JAM2: variants seen among roughly 807,000 people sequenced by gnomAD.
JAM2 encodes junctional adhesion molecule B.
In JAM2, 17 loss-of-function variants were observed where a neutral mutation model predicts 42.0. The observed-to-expected ratio is 0.40, with a 90% CI of 0.28 to 0.61. JAM2 has a LOEUF of 0.61. Ranked by LOEUF, JAM2 falls within the 20% of genes least tolerant of loss-of-function variation. The probability of loss-of-function intolerance (pLI) is 0.37; values close to 1 mark genes in which losing one functional copy is unlikely to be tolerated. For synonymous variants in JAM2, 118 were observed against 128.6 expected (o/e 0.92, Z 0.56); for missense variants, 319 against 358.3 (o/e 0.89, Z 0.89).
intron 1 of JAM2, among the ~76,000 whole-genome samples, chr21:25,650,628 A>T (rs2032747946): frequency 1.3e-5 from 2 of 152,238 alleles, no homozygotes; most frequent in Non-Finnish European, 2.9e-5. Context: ...GTATTTCTGT[A>T]TCAACATATT....
chr21:25,657,224 G>T (rs1352427358), intron 1 of JAM2, among the ~76,000 whole-genome samples: 1 of 152,038 alleles, frequency 6.6e-6, no homozygotes, highest in Non-Finnish European at 1.5e-5. Flanking sequence ...ATGTTGTCCA[G>T]GTTGGTCTTG....
At chr21:25,641,813 C>G (rs1273128207) in intron 1 of JAM2, among the ~76,000 whole-genome samples, 1 of 152,122 alleles carries the variant, frequency 6.6e-6, no homozygotes, top group Non-Finnish European at 1.5e-5. Flanking sequence ...ATTTAGTTGT[C>G]CTGATTCCTT....
At position 25,639,391 on chromosome 21, in the gene JAM2, C is replaced by G. The variant is rs1568881568; in HGVS notation, c.-431C>G. 1 of 161,870 alleles carries G rather than the reference C, an allele frequency of 6.2e-6. No homozygotes were observed. Among genetic ancestry groups the G allele is most frequent in the Admixed American group, 6.4e-5 (1 of 15,542 alleles). 10.0% of individuals were successfully genotyped at this position (161,870 alleles called of 1,614,324 possible). A position where few individuals can be genotyped will look rare whatever the true frequency, so the allele number is the denominator to read the frequency against. On this transcript the variant is annotated 5_prime_UTR_variant, in exon 1 of 10. Coordinates refer to ENST00000480456, the MANE Select transcript of JAM2 (RefSeq NM_021219.4). ...CCAGCCTGCCCGCGCCTCCCGCCCC[C>G]AGCTCCTCGCCCTGGGGACAGCTGG...
intron 1 of JAM2, among the ~76,000 whole-genome samples, chr21:25,659,545 G>A (rs2033025276): frequency 6.6e-6 from 1 of 151,976 alleles, no homozygotes; most frequent in Non-Finnish European, 1.5e-5. Flanking sequence ...AAAGCATTTG[G>A]GATTCTTTCA....
chr21:25,681,120 G>A (rs1421731577), intron 1 of JAM2, among the ~76,000 whole-genome samples: 4 of 152,148 alleles, frequency 2.6e-5, no homozygotes, highest in Non-Finnish European at 4.4e-5. Flanking sequence ...ATATATAGTC[G>A]AGAAATAACC....
At chr21:25,708,390 G>A (rs1288042700) in intron 7 of JAM2, among the ~76,000 whole-genome samples, 1 of 152,046 alleles carries the variant, frequency 6.6e-6, no homozygotes, top group Non-Finnish European at 1.5e-5. Context: ...GAAACATAGG[G>A]AGACCCTTTC....
At chr21:25,657,068 T>G (rs151282782) in intron 1 of JAM2, among the ~76,000 whole-genome samples, 240 of 152,338 alleles carry the variant, frequency 1.6e-3, no homozygotes, top group African/African-American at 5.7e-3. Flanking sequence ...AATACAAATG[T>G]TTCTTTTCAG....
chr21:25,681,440 G>A (rs1343527286), intron 1 of JAM2, among the ~76,000 whole-genome samples: 1 of 152,116 alleles, frequency 6.6e-6, no homozygotes, highest in African/African-American at 2.4e-5. Context: ...TGAAGGTGGG[G>A]AAAAGCCCCT....
chr21:25,694,681 A>C (rs911216804), intron 4 of JAM2, among the ~76,000 whole-genome samples: 3 of 152,056 alleles, frequency 2.0e-5, no homozygotes, highest in African/African-American at 7.3e-5. Flanking sequence ...CTCTAAAAAA[A>C]AATAAATAAA....
At chr21:25,650,055 C>G (rs959818711) in intron 1 of JAM2, among the ~76,000 whole-genome samples, 6 of 152,160 alleles carry the variant, frequency 3.9e-5, no homozygotes, top group African/African-American at 1.4e-4. Flanking sequence ...AGAATTAACC[C>G]AGTCCTATGA....
intron 2 of JAM2, among the ~76,000 whole-genome samples, chr21:25,688,399 A>C (rs1322634305): frequency 1.3e-5 from 2 of 152,222 alleles, no homozygotes; most frequent in East Asian, 3.8e-4. Flanking sequence ...GCTAAAAATG[A>C]GTGTGGGTGT....
intron 1 of JAM2, among the ~76,000 whole-genome samples, chr21:25,681,733 A>G (rs2033636020): frequency 1.3e-5 from 2 of 152,196 alleles, no homozygotes; most frequent in Admixed American, 1.3e-4. Context: ...CTGTAATCCC[A>G]GCACTTTGGG....
At chr21:25,690,703 G>T (rs929465920) in intron 3 of JAM2, among the ~76,000 whole-genome samples, 2 of 151,966 alleles carry the variant, frequency 1.3e-5, no homozygotes, top group South Asian at 2.1e-4. Context: ...GAAATGGAAG[G>T]TTGCTTCTCA....
intron 1 of JAM2, chr21:25,643,797 C>G (rs193142808): frequency 6.6e-6 from 1 of 152,284 alleles, no homozygotes; most frequent in Admixed American, 6.5e-5. Context: ...ACTGAAAACA[C>G]TCATTTATCC....
Position 25,683,863 on chromosome 21 carries a change from T to C in JAM2, c.68-20T>C, listed in dbSNP as rs541214692. On this transcript the variant is annotated intron_variant, in intron 1 of 9. Coordinates refer to ENST00000480456, the MANE Select transcript of JAM2 (RefSeq NM_021219.4). ...AACTTTTGTATAATTTTAATTATCCTATCTGTTTTAATCTTTCAGATCATA... is the reference window on the plus strand; with the variant it reads ...AACTTTTGTATAATTTTAATTATCCCATCTGTTTTAATCTTTCAGATCATA... 7 of 1,542,252 alleles carry C rather than the reference T, an allele frequency of 4.5e-6. No homozygotes were observed. In the East Asian group the frequency reaches 1.4e-4, roughly 30 times the overall value.
In JAM2 at chr21:25,715,405, C is replaced by T. The variant is rs2034459525; in HGVS notation, c.*733C>T. 2 of 152,230 alleles carry T rather than the reference C, an allele frequency of 1.3e-5. No individual in the cohort carries two copies. The highest frequency in any genetic ancestry group is 4.8e-5 in the African/African-American group (2 of 41,452). The allele number at this position is 152,230 out of a possible 1,614,324, so 9.4% of individuals were successfully genotyped here. On this transcript the variant is annotated 3_prime_UTR_variant, in exon 10 of 10. Transcript: ENST00000480456. ...TCACCCCTACTGCTGCTTGCCACTG[C>T]TTCCTTCTTGTAAGATTTCTTTGAA...
At chr21:25,706,742 T>TTTTG (rs1224129217) in intron 7 of JAM2, among the ~76,000 whole-genome samples, 3 of 151,744 alleles carry the variant, frequency 2.0e-5, no homozygotes, top group Non-Finnish European at 4.4e-5. Context: ...TAAGATTTTT[T>TTTTG]TTTGTTTGTT....
intron 3 of JAM2, among the ~76,000 whole-genome samples, chr21:25,692,860 G>A (rs1288197849): frequency 6.6e-6 from 1 of 152,110 alleles, no homozygotes; most frequent in Non-Finnish European, 1.5e-5. Flanking sequence ...TGCTTACCTA[G>A]AAAGTAAATT....
At chr21:25,708,358 C>A (rs2034313376) in intron 7 of JAM2, among the ~76,000 whole-genome samples, 1 of 152,068 alleles carries the variant, frequency 6.6e-6, no homozygotes, top group South Asian at 2.1e-4. Flanking sequence ...CACTTGAGTC[C>A]AGGACTTCAC....
Sources: allele counts gnomAD v4.1 joint callset (sites outside exome capture counted in the v4.1 genomes callset), GRCh38; gene constraint gnomAD v4.1.1; transcripts MANE v1.5; gene names NCBI Gene and HGNC (gene_info 2026-07-23, HGNC 2026-07-21).